CDH13: variants seen among roughly 807,000 people sequenced by gnomAD.
The protein encoded by CDH13 is cadherin 13, also known as cadherin-13.
CDH13 carries 24 observed loss-of-function variants against 63.8 expected under a neutral mutation model. The ratio of observed to expected loss-of-function variants is 0.38; its 90% CI spans 0.27 to 0.53. The LOEUF is 0.53. Among genes scored for constraint, CDH13 ranks in the 20% least tolerant of loss-of-function variants. CDH13 has a pLI of 0.85. For synonymous variants in CDH13, 503 were observed against 355.3 expected, an observed-to-expected ratio of 1.42 and a Z score of -4.67; for missense variants, 1,049 against 903.1, an observed-to-expected ratio of 1.16 and a Z score of -2.07.
chr16:83,286,772 A>ATG (rs951986927), intron 5 of CDH13, among the ~76,000 whole-genome samples: 1 of 147,354 alleles, frequency 6.8e-6, no homozygotes, highest in African/African-American at 2.5e-5. Context: ...AAAAAAATGT[A>ATG]TATATATATA....
chr16:83,426,407 C>G, intron 6 of CDH13, among the ~76,000 whole-genome samples: 1 of 152,066 alleles, frequency 6.6e-6, no homozygotes, highest in Admixed American at 6.5e-5. Context: ...AATATGCCAA[C>G]TACTCTAATT....
intron 6 of CDH13, among the ~76,000 whole-genome samples, chr16:83,375,921 A>T (rs1303537994): frequency 6.6e-6 from 1 of 152,194 alleles, no homozygotes; most frequent in Non-Finnish European, 1.5e-5. Context: ...AGAGAGGCAG[A>T]CGTCATGCAG....
chr16:83,666,852 G>C (rs1914007248), intron 8 of CDH13, among the ~76,000 whole-genome samples: 1 of 151,300 alleles, frequency 6.6e-6, no homozygotes, highest in South Asian at 2.1e-4. Context: ...CACACACACA[G>C]ACTCCCCAAG....
intron 5 of CDH13, among the ~76,000 whole-genome samples, chr16:83,249,355 C>A (rs1905265043): frequency 6.6e-6 from 1 of 152,168 alleles, no homozygotes; most frequent in African/African-American, 2.4e-5. Context: ...TTGTCTTCAC[C>A]ATGGCAATGG....
chr16:83,251,679 G>C (rs1480337131), intron 5 of CDH13, among the ~76,000 whole-genome samples: 3 of 152,194 alleles, frequency 2.0e-5, no homozygotes, highest in Non-Finnish European at 4.4e-5. Context: ...GGCCTTCGTT[G>C]ACAAGCCAAG....
At chr16:82,963,970 A>G (rs532196031) in intron 2 of CDH13, among the ~76,000 whole-genome samples, 3 of 152,198 alleles carry the variant, frequency 2.0e-5, no homozygotes, top group Non-Finnish European at 4.4e-5. Context: ...TGGGAGTCCC[A>G]CACACCGCTG....
rs1904312839 is a variant in CDH13 at position 83,800,354 on chromosome 16, T to C, written c.*5324T>C. ...TTATTAGAGAGTTATATCTGTGTTG[T>C]CATGCACATGTCAACACTGTCCTGA... On this transcript the variant is annotated 3_prime_UTR_variant, in exon 14 of 14. Transcript: ENST00000567109. The C allele has an allele frequency of 6.6e-6, 1 of 152,252 alleles. No individual in the cohort carries two copies. The allele number at this position is 152,252 out of a possible 1,614,324, so 9.4% of individuals were successfully genotyped here. A position where few individuals can be genotyped will look rare whatever the true frequency, so the allele number is the denominator to read the frequency against.
At chr16:82,733,411 T>C (rs1264674397) in intron 1 of CDH13, among the ~76,000 whole-genome samples, 6 of 152,330 alleles carry the variant, frequency 3.9e-5, no homozygotes, top group African/African-American at 1.4e-4. Context: ...TATATGTGAG[T>C]TTTTGTTTAA....
chr16:82,745,266 CA>C (rs1318791307), intron 1 of CDH13, among the ~76,000 whole-genome samples: 3 of 152,124 alleles, frequency 2.0e-5, no homozygotes, highest in African/African-American at 7.2e-5. Flanking sequence ...GGAAGAAATC[CA>C]AGCTTCAGTA....
intron 7 of CDH13, among the ~76,000 whole-genome samples, chr16:83,595,561 A>T (rs138115673): frequency 2.0e-5 from 3 of 152,340 alleles, no homozygotes; most frequent in Non-Finnish European, 4.4e-5. Flanking sequence ...CTCACATCAC[A>T]GTCTAAAGCA....
chr16:83,086,075 G>C (rs1243670066), intron 3 of CDH13, among the ~76,000 whole-genome samples: 1 of 152,178 alleles, frequency 6.6e-6, no homozygotes, highest in Non-Finnish European at 1.5e-5. Context: ...CAGGGCCTTT[G>C]CATGTACCCC....
Position 83,095,807 on chromosome 16 carries a change from A to C in CDH13, c.367-29578A>C, listed in dbSNP as rs543970772. Among the ~76,000 whole-genome samples, 42 of 152,328 alleles carry C rather than the reference A, an allele frequency of 2.8e-4. No homozygotes were observed. In the South Asian group the frequency reaches 8.5e-3, roughly 31 times the overall value. ...TATGATTCTCACTGTGGAATGAACC[A>C]CATAGACTCCAGAATGTGTCTTTTC... On this transcript the variant is annotated intron_variant, in intron 3 of 13. Coordinates refer to ENST00000567109, the MANE Select transcript of CDH13 (RefSeq NM_001257.5).
chr16:83,030,038 C>T (rs1423989210), intron 2 of CDH13, among the ~76,000 whole-genome samples: 5 of 152,230 alleles, frequency 3.3e-5, no homozygotes, highest in African/African-American at 1.2e-4. Flanking sequence ...GTACCACATG[C>T]AGAATCACCA....
chr16:83,218,138 G>C (rs1008929859), intron 5 of CDH13, among the ~76,000 whole-genome samples: 2 of 152,284 alleles, frequency 1.3e-5, no homozygotes, highest in Middle Eastern at 6.8e-3. Flanking sequence ...GTATTTGGAA[G>C]TGATTGATTG....
intron 6 of CDH13, among the ~76,000 whole-genome samples, chr16:83,453,043 A>G (rs1419692614): frequency 6.6e-6 from 1 of 152,188 alleles, no homozygotes; most frequent in Non-Finnish European, 1.5e-5. Flanking sequence ...CTCAGCCCTA[A>G]AAAGGAATGA....
At chr16:83,494,039 G>A (rs2074079005) in intron 7 of CDH13, among the ~76,000 whole-genome samples, 1 of 152,154 alleles carries the variant, frequency 6.6e-6, no homozygotes, top group Admixed American at 6.5e-5. Context: ...CAGACAATCA[G>A]TAGTTACTGG....
At chr16:83,252,083 AT>A (rs1315411716) in intron 5 of CDH13, among the ~76,000 whole-genome samples, 1 of 67,790 alleles carries the variant, frequency 1.5e-5, no homozygotes, top group Non-Finnish European at 3.3e-5. Flanking sequence ...TATAGTATAT[AT>A]GTATATATGT....
chr16:83,652,995 C>G (rs1912531114), intron 8 of CDH13, among the ~76,000 whole-genome samples: 1 of 152,186 alleles, frequency 6.6e-6, no homozygotes, highest in Admixed American at 6.5e-5. Flanking sequence ...CTGATCCACG[C>G]TACAGTGTGG....
chr16:82,878,601 C>T (rs571212617), intron 2 of CDH13, among the ~76,000 whole-genome samples: 4 of 151,070 alleles, frequency 2.6e-5, no homozygotes, highest in African/African-American at 7.3e-5. Context: ...CTTCTGGTAG[C>T]TTGCCTTTCT....
Sources: allele counts gnomAD v4.1 joint callset (sites outside exome capture counted in the v4.1 genomes callset), GRCh38; gene constraint gnomAD v4.1.1; transcripts MANE v1.5; gene names NCBI Gene and HGNC (gene_info 2026-07-23, HGNC 2026-07-21).